The following TTC21A variants were observed in gnomAD, a reference collection of about 807,000 sequenced individuals.
TTC21A encodes tetratricopeptide repeat protein 21A.
TTC21A carries 128 observed loss-of-function variants against 156.4 expected under a neutral mutation model. That is an observed-to-expected ratio of 0.82 (90% CI 0.71 to 0.95). TTC21A has a LOEUF of 0.95. TTC21A is among the 40% of genes least tolerant of loss of function. The pLI is 0.00. For synonymous variants in TTC21A, 587 were observed against 617.1 expected (o/e 0.95, Z 0.72); for missense variants, 1,435 against 1,602.3 (o/e 0.90, Z 1.78).
chr3:39,132,566 C>A (rs1003900265), intron 19 of TTC21A, among the ~76,000 whole-genome samples: 8 of 152,228 alleles, frequency 5.3e-5, no homozygotes, highest in Admixed American at 2.6e-4. Context: ...GATTCCTACC[C>A]ATGTCCTACA....
Position 39,138,698 on chromosome 3 carries a change from C to T in TTC21A, c.3865-13C>T, listed in dbSNP as rs1328650288. 9.3e-6 allele frequency: 15 copies of T among 1,614,008 alleles called. No individual in the cohort carries two copies. Among genetic ancestry groups the T allele is most frequent in the Non-Finnish European group, 1.3e-5 (15 of 1,179,988 alleles). On this transcript the variant is annotated splice_polypyrimidine_tract_variant and intron_variant, in intron 28 of 28. Transcript: ENST00000683103. The stretch of plus-strand genomic sequence containing the variant: ...CTGCATGATACTGCACACCCATTCT[C>T]TCTCTGTTCCAGGTCCTCAGGGAGC...
chr3:39,131,966 A>C (rs893209912), intron 19 of TTC21A, among the ~76,000 whole-genome samples: 1 of 152,174 alleles, frequency 6.6e-6, no homozygotes, highest in African/African-American at 2.4e-5. Flanking sequence ...TAGCAACGTC[A>C]TATGTTGCTT....
At chr3:39,120,913 AAGT>A in intron 8 of TTC21A, 81 bp from the exon 9 acceptor site, 1 of 1,276,362 alleles carries the variant, frequency 7.8e-7, no homozygotes, top group East Asian at 2.4e-5. Flanking sequence ...CTGCCTACCA[AAGT>A]GTCCCCCGTT....
In TTC21A at chr3:39,128,712, C is replaced by T; in HGVS notation, c.1681-5C>T. 6.2e-7 allele frequency: 1 copy of T among 1,613,868 alleles called. No homozygotes were observed. The highest frequency in any genetic ancestry group is 8.5e-7 in the Non-Finnish European group (1 of 1,179,916). ...GAGCCCCACACTCTGCTGTGCTCCTCCTAGGTCCGAGATCACCCCCTCTAC... is the reference window on the plus strand; with the variant it reads ...GAGCCCCACACTCTGCTGTGCTCCTTCTAGGTCCGAGATCACCCCCTCTAC... On this transcript the variant is annotated splice_region_variant and splice_polypyrimidine_tract_variant and intron_variant, in intron 13 of 28. Transcript: ENST00000683103.
intron 12 of TTC21A, 42 bp from the exon 13 acceptor site, chr3:39,128,289 C>T: frequency 1.9e-6 from 3 of 1,600,790 alleles, no homozygotes; most frequent in Non-Finnish European, 2.6e-6. Flanking sequence ...TCTTAGGAGC[C>T]CTTGGGAACC....
At position 39,134,653 on chromosome 3, in the gene TTC21A, G is replaced by A. The variant is rs572025005; in HGVS notation, c.2862+325G>A. The A allele has an allele frequency of 1.0e-4, 50 of 489,790 alleles. No individual in the cohort carries two copies. Among genetic ancestry groups the A allele is most frequent in the East Asian group, 4.7e-4 (12 of 25,720 alleles). 30.3% of individuals were successfully genotyped at this position (489,790 alleles called of 1,614,324 possible). ...TGGGGCTTCAGGAAAAGCCCTCCTC[G>A]GTCCTGCCTCTCTCTTCCCTATCAT... is the stretch of plus-strand genomic sequence containing the variant. On this transcript the variant is annotated intron_variant, in intron 21 of 28. Coordinates refer to ENST00000683103, the MANE Select transcript of TTC21A (RefSeq NM_001366900.1). This position sits in a 1 kb window ranked among gnomAD's most constrained non-coding sequence, Gnocchi z 4.6.
At chr3:39,119,680 G>A in intron 7 of TTC21A, 3 of 359,682 alleles carry the variant, frequency 8.3e-6, no homozygotes, top group South Asian at 9.4e-5. Context: ...TTCAAGAACA[G>A]AGGGGCAGTG....
intron 6 of TTC21A, among the ~76,000 whole-genome samples, chr3:39,116,569 G>A (rs889999472): frequency 6.6e-6 from 1 of 151,748 alleles, no homozygotes; most frequent in Admixed American, 6.6e-5. Flanking sequence ...TCGAACCCCT[G>A]GGCTCAAGTG....
chr3:39,134,115 G>T lies in TTC21A; in HGVS notation c.2752-103G>T. ...GAATTCGAGACATATTTTGAAGGCA[G>T]AGCTGATAGAAGTGGGGTGTGAGGG... On this transcript the variant is annotated intron_variant, in intron 20 of 28. Coordinates refer to ENST00000683103, the MANE Select transcript of TTC21A (RefSeq NM_001366900.1). This position sits in a 1 kb window ranked among gnomAD's most constrained non-coding sequence, Gnocchi z 4.6. 1.3e-6 allele frequency: 1 copy of T among 759,844 alleles called. No homozygotes were observed. The highest frequency in any genetic ancestry group is 2.5e-5 in the East Asian group (1 of 40,744). 47.1% of individuals were successfully genotyped at this position (759,844 alleles called of 1,614,324 possible). A position where few individuals can be genotyped will look rare whatever the true frequency, so the allele number is the denominator to read the frequency against.
At chr3:39,126,514 AC>A (rs2038265056) in intron 12 of TTC21A, 124 bp downstream of exon 12, 2 of 966,106 alleles carry the variant, frequency 2.1e-6, no homozygotes, top group Non-Finnish European at 3.0e-6. Flanking sequence ...ACACACACAC[AC>A]ACACACTCTC....
chr3:39,134,672 C>A lies in TTC21A; in HGVS notation c.2862+344C>A. 2.1e-6 allele frequency: 1 copy of A among 479,276 alleles called. No homozygotes were observed. Among genetic ancestry groups the A allele is most frequent in the Non-Finnish European group, 3.8e-6 (1 of 259,878 alleles). 29.7% of individuals were successfully genotyped at this position (479,276 alleles called of 1,614,324 possible). A position where few individuals can be genotyped will look rare whatever the true frequency, so the allele number is the denominator to read the frequency against. On this transcript the variant is annotated intron_variant, in intron 21 of 28. Coordinates refer to ENST00000683103, the MANE Select transcript of TTC21A (RefSeq NM_001366900.1). This position sits in a 1 kb window ranked among gnomAD's most constrained non-coding sequence, Gnocchi z 4.6. ...CTCCTCGGTCCTGCCTCTCTCTTCC[C>A]TATCATCCAGACCTCCTCTAGGGCT...
intron 6 of TTC21A, among the ~76,000 whole-genome samples, chr3:39,117,395 G>T (rs911278347): frequency 6.6e-6 from 1 of 152,202 alleles, no homozygotes; most frequent in Admixed American, 6.5e-5. Context: ...AAATGGGAAA[G>T]AATCTTTCTA....
chr3:39,114,791 C>T (rs1258054070), intron 6 of TTC21A, 49 bp downstream of exon 6: 1 of 1,604,956 alleles, frequency 6.2e-7, no homozygotes, highest in East Asian at 2.2e-5. Context: ...AGGTATTTAC[C>T]ATCTTATAAG....
At chr3:39,112,384 T>G in intron 4 of TTC21A, 74 bp from the exon 5 acceptor site, 1 of 1,541,970 alleles carries the variant, frequency 6.5e-7, no homozygotes. Flanking sequence ...GGTGGCAAAG[T>G]GTGGATCATG....
At position 39,120,993 on chromosome 3, in the gene TTC21A, GC is replaced by G; in HGVS notation, c.901-3del. The G allele has an allele frequency of 6.3e-7, 1 of 1,592,828 alleles. No homozygotes were observed. The highest frequency in any genetic ancestry group is 8.6e-7 in the Non-Finnish European group (1 of 1,167,282). ...CCCAATTCCCACCTTCCTGTTTCTT[GC>G]AGTGTGGGAGTCACCAGGTGATTCT... On this transcript the variant is annotated splice_region_variant and splice_polypyrimidine_tract_variant and intron_variant, in intron 8 of 28. Transcript: ENST00000683103.
Position 39,130,507 on chromosome 3 carries a change from T to G in TTC21A, c.2319+149T>G. 1.1e-6 allele frequency: 1 copy of G among 936,278 alleles called. No individual in the cohort carries two copies. Among genetic ancestry groups the G allele is most frequent in the South Asian group, 1.6e-5 (1 of 61,966 alleles). The allele number at this position is 936,278 out of a possible 1,614,324, so 58.0% of individuals were successfully genotyped here. A position where few individuals can be genotyped will look rare whatever the true frequency, so the allele number is the denominator to read the frequency against. On this transcript the variant is annotated intron_variant, in intron 17 of 28. Coordinates refer to ENST00000683103, the MANE Select transcript of TTC21A (RefSeq NM_001366900.1). This position sits in a 1 kb window ranked among gnomAD's most constrained non-coding sequence, Gnocchi z 4.5. ...CTGAATGGGGTGCCAAGGGGAGAAC[T>G]CAGCAACTCTCTGCTGCTGACCACA...
chr3:39,110,943 T>A lies in TTC21A; in HGVS notation c.361T>A (p.Trp121Arg). 6.2e-7 allele frequency: 1 copy of A among 1,614,036 alleles called. No individual in the cohort carries two copies. Among genetic ancestry groups the A allele is most frequent in the Non-Finnish European group, 8.5e-7 (1 of 1,180,000 alleles). ...TALYYAGLFL[W>R]LIGRHDKAKE... ...ACTGTACTATGCTGGCCTTTTCCTC[T>A]GGCTCATAGGCCGCCATGACAAGGC... Residue 121 changes from tryptophan to arginine, a missense_variant, in exon 4 of 29, where the codon TGG (tryptophan) becomes AGG (arginine). Physicochemically the swap from Trp to Arg is moderately radical, Grantham distance 101 (BLOSUM62 -3). Transcript: ENST00000683103.
intron 1 of TTC21A, among the ~76,000 whole-genome samples, 192 bp from the exon 2 acceptor site, chr3:39,108,893 G>A (rs900896831): frequency 6.6e-6 from 1 of 152,190 alleles, no homozygotes; most frequent in Non-Finnish European, 1.5e-5. Flanking sequence ...ACTCTTTCCT[G>A]GGAAAACTGC....
In TTC21A at chr3:39,125,421, T is replaced by A. The variant is rs1244463585; in HGVS notation, c.1281T>A (p.Leu427=). The A allele has an allele frequency of 5.6e-6, 9 of 1,614,054 alleles. No homozygotes were observed. The highest frequency in any genetic ancestry group is 7.6e-6 in the Non-Finnish European group (9 of 1,179,904). ...TTALLKEAVE[L]HFSSMQGIPL... ...CGCTCCTGAAGGAGGCAGTGGAGCT[T>A]CACTTCTCCAGCATGCAAGGCATCC... is the stretch of plus-strand genomic sequence containing the variant. Residue 427 remains leucine, a synonymous_variant, in exon 11 of 29, where the codon CTT becomes CTA. Coordinates refer to ENST00000683103, the MANE Select transcript of TTC21A (RefSeq NM_001366900.1).
Sources: gnomAD v4.1 joint callset for allele counts (sites outside exome capture counted in the v4.1 genomes callset) on GRCh38, gnomAD v4.1.1 for gene constraint, Gnocchi (gnomAD v3.1) non-coding constraint, MANE v1.5 for transcripts, NCBI Gene and HGNC (gene_info 2026-07-23, HGNC 2026-07-21) for gene names.